Variants in ECE2 observed in about 807,000 individuals in gnomAD.
The protein encoded by ECE2 is endothelin-converting enzyme 2.
Under a neutral mutation model 100.6 loss-of-function variants are expected in ECE2, and 81 were observed. The observed-to-expected ratio is 0.81, with a 90% CI of 0.67 to 0.97. The LOEUF (loss-of-function observed/expected upper bound fraction) is 0.97. Among genes scored for constraint, ECE2 ranks in the 50% least tolerant of loss-of-function variants. ECE2 has a pLI of 0.00. For synonymous variants in ECE2, 391 were observed against 391.5 expected (o/e 1.00, Z 0.02); for missense variants, 911 against 988.1 (o/e 0.92, Z 1.05).
rs755511457 is a variant in ECE2, at chr3:184,292,254, GA to G, written c.*19del. 58 of 1,613,382 alleles carry G rather than the reference GA, an allele frequency of 3.6e-5. No homozygotes were observed. The South Asian group carries it at 6.0e-4, about 17-fold the overall frequency. Reference sequence around the variant, plus strand: ...GGTGTGGTAGACCTGGATCAGGGGAGAAATGGCCAGCTGTCACCAGACCTGG... The same window carrying G: ...GGTGTGGTAGACCTGGATCAGGGGAGAATGGCCAGCTGTCACCAGACCTGG... On this transcript the variant is annotated 3_prime_UTR_variant, in exon 19 of 19. Transcript: ENST00000404464.
chr3:184,276,223 G>A (rs1458682406), intron 1 of ECE2, 31 bp downstream of exon 1: 1 of 1,444,790 alleles, frequency 6.9e-7, no homozygotes, highest in East Asian at 2.5e-5. Context: ...CCACGGGAGG[G>A]GACTGGGTGG....
rs1177565019 is a variant in ECE2 at position 184,283,955 on chromosome 3, G to A, written c.987G>A (p.Met329Ile). The change falls in exon 8 of 19, where the codon ATG becomes ATA. Residue 329 changes from methionine to isoleucine, a missense_variant. Transcript: ENST00000404464. ...ACGAGGAGAAGATCTACCACAAGAT[G>A]AGCATTTCGGAGCTGCAGGTGGGGC... ...RRDEEKIYHK[M>I]SISELQALAP... The A allele has an allele frequency of 9.3e-6, 15 of 1,613,882 alleles. No individual in the cohort carries two copies. Among genetic ancestry groups the A allele is most frequent in the Non-Finnish European group, 1.3e-5 (15 of 1,179,992 alleles).
In ECE2 at chr3:184,291,864, C is replaced by G. The variant is rs1721340090; in HGVS notation, c.2122-198C>G. On this transcript the variant is annotated intron_variant, in intron 18 of 18. Coordinates refer to ENST00000404464, the MANE Select transcript of ECE2 (RefSeq NM_001100121.2). This position sits in a 1 kb window ranked among gnomAD's most constrained non-coding sequence, Gnocchi z 4.1. ...AGGCAGAGCCTCCGCTGGGCAGCCA[C>G]AGCAGGCAGCTTCTGGGGCTCCGCT... 2 of 614,738 alleles carry G rather than the reference C, an allele frequency of 3.3e-6. No individual in the cohort carries two copies. The highest frequency in any genetic ancestry group is 5.6e-6 in the Non-Finnish European group (2 of 358,826). 38.1% of individuals were successfully genotyped at this position (614,738 alleles called of 1,614,324 possible). A position where few individuals can be genotyped will look rare whatever the true frequency, so the allele number is the denominator to read the frequency against.
chr3:184,281,551 T>C (rs560134600), intron 7 of ECE2, among the ~76,000 whole-genome samples: 1 of 152,306 alleles, frequency 6.6e-6, no homozygotes, highest in South Asian at 2.1e-4. Flanking sequence ...GTGGGCCAAA[T>C]TTAGGATTCA....
Position 184,291,211 on chromosome 3 carries a change from G to A in ECE2, c.2006G>A (p.Gly669Glu). The A allele has an allele frequency of 1.9e-6, 3 of 1,612,404 alleles. No individual in the cohort carries two copies. The highest frequency in any genetic ancestry group is 1.7e-6 in the Non-Finnish European group (2 of 1,179,164). Residue 669 changes from glycine to glutamate, a missense_variant, in exon 17 of 19, where the codon GGG (glycine) becomes GAG (glutamate). Transcript: ENST00000404464. The surrounding 1 kb of genome is among the most constrained non-coding windows in gnomAD (Gnocchi z 4.1). Reference protein sequence around the residue: ...TLGENIADNGGLKAAYNAYKA... With the variant: ...TLGENIADNGELKAAYNAYKA... ...GGGGAGAACATTGCTGACAACGGGG[G>A]GCTGAAGGCTGCCTACAATGTGAGT... is the stretch of plus-strand genomic sequence containing the variant.
rs139982628 is a variant in ECE2, at chr3:184,291,919, A to G, written c.2122-143A>G. On this transcript the variant is annotated intron_variant, in intron 18 of 18. Transcript: ENST00000404464. This position sits in a 1 kb window ranked among gnomAD's most constrained non-coding sequence, Gnocchi z 4.1. Reference sequence around the variant, plus strand: ...CCCCTCGTCATGTCCATGCTGGGCAACCCGATGTCCAGGGCAGTTTTGGAA... The same window carrying G: ...CCCCTCGTCATGTCCATGCTGGGCAGCCCGATGTCCAGGGCAGTTTTGGAA... 37 of 911,598 alleles carry G rather than the reference A, an allele frequency of 4.1e-5. 1 individual carries two copies. The African/African-American group carries it at 5.2e-4, about 13-fold the overall frequency. 56.5% of individuals were successfully genotyped at this position (911,598 alleles called of 1,614,324 possible).
In ECE2 at chr3:184,285,383, G is replaced by A. The variant is rs142762017; in HGVS notation, c.1149-95G>A. ...GGGACAGCTTCCACATATGCCTCTC[G>A]GGACTCCTGCAACTTGCATGTTCCT... On this transcript the variant is annotated intron_variant, in intron 9 of 18. Coordinates refer to ENST00000404464, the MANE Select transcript of ECE2 (RefSeq NM_001100121.2). 3.4e-4 allele frequency: 357 copies of A among 1,040,582 alleles called. 2 individuals carry two copies. In the African/African-American group the frequency reaches 5.0e-3, roughly 15 times the overall value. 64.5% of individuals were successfully genotyped at this position (1,040,582 alleles called of 1,614,324 possible).
At position 184,289,504 on chromosome 3, in the gene ECE2, A is replaced by G; in HGVS notation, c.1442A>G (p.Asp481Gly). The change falls in exon 12 of 19, where the codon GAT (aspartate) becomes GGT (glycine). Residue 481 changes from aspartate to glycine, a missense_variant. Asp to Gly is a moderately conservative substitution (Grantham distance 94, BLOSUM62 -1). Transcript: ENST00000404464. This position sits in a 1 kb window ranked among gnomAD's most constrained non-coding sequence, Gnocchi z 4.1. ...GCCCTGGGACAGCTGGTTTGGATGG[A>G]TGAGAAGACCCGCCAGGCAGCCAAG... ...EEALGQLVWM[D>G]EKTRQAAKEK... is the part of the protein sequence containing the mutation. The G allele has an allele frequency of 6.2e-7, 1 of 1,612,780 alleles. No homozygotes were observed. Among genetic ancestry groups the G allele is most frequent in the Non-Finnish European group, 8.5e-7 (1 of 1,179,464 alleles).
chr3:184,287,810 G>C (rs1448079850), intron 10 of ECE2, 27 bp from the exon 11 acceptor site: 1 of 1,594,854 alleles, frequency 6.3e-7, no homozygotes, highest in Non-Finnish European at 8.6e-7. Flanking sequence ...GCCATCTCTA[G>C]GGTCCTGGCT....
intron 8 of ECE2, among the ~76,000 whole-genome samples, chr3:184,284,685 G>T (rs1720957707): frequency 6.6e-6 from 1 of 152,194 alleles, no homozygotes; most frequent in Non-Finnish European, 1.5e-5. Flanking sequence ...CGTGCAGGGT[G>T]TTGGGAGTGG....
At position 184,276,230 on chromosome 3, in the gene ECE2, G is replaced by T. The variant is rs756717418; in HGVS notation, c.39+38G>T. 32 of 1,446,612 alleles carry T rather than the reference G, an allele frequency of 2.2e-5. No homozygotes were observed. In the African/African-American group the frequency reaches 4.4e-4, roughly 20 times the overall value. The allele number at this position is 1,446,612 out of a possible 1,614,324, so 89.6% of individuals were successfully genotyped here. Reference sequence around the variant, plus strand: ...CCCGGGCTCCACGGGAGGGGACTGGGTGGAGGGGGACGAGGCAGAGGGGTC... The same window carrying T: ...CCCGGGCTCCACGGGAGGGGACTGGTTGGAGGGGGACGAGGCAGAGGGGTC... On this transcript the variant is annotated intron_variant, in intron 1 of 18. Transcript: ENST00000404464.
chr3:184,287,972 A>T lies in ECE2; in HGVS notation c.1374+25A>T, dbSNP rs73051634. On this transcript the variant is annotated intron_variant, in intron 11 of 18. Coordinates refer to ENST00000404464, the MANE Select transcript of ECE2 (RefSeq NM_001100121.2). Reference sequence around the variant, plus strand: ...TGTGAGTCTACAAGATTCTTTCAACACTATGCCCTCAAAATTGACTGTTCA... The same window carrying T: ...TGTGAGTCTACAAGATTCTTTCAACTCTATGCCCTCAAAATTGACTGTTCA... 1.6e-4 allele frequency: 257 copies of T among 1,601,038 alleles called. No homozygotes were observed. The African/African-American group carries it at 3.3e-3, about 20-fold the overall frequency.
chr3:184,277,133 G>A lies in ECE2; in HGVS notation c.262+106G>A, dbSNP rs1720590434. ...GGAACCAAGCCTTCCCTGCAGAAAA[G>A]CCCCCGGCTTTGCTTTCTCTTCCCA... is the stretch of plus-strand genomic sequence containing the variant. On this transcript the variant is annotated intron_variant, in intron 3 of 18. Coordinates refer to ENST00000404464, the MANE Select transcript of ECE2 (RefSeq NM_001100121.2). The A allele has an allele frequency of 6.9e-6, 11 of 1,599,256 alleles. 1 individual carries two copies. In the South Asian group the frequency reaches 1.0e-4, roughly 15 times the overall value.
At chr3:184,286,763 C>T (rs1721051319) in intron 10 of ECE2, among the ~76,000 whole-genome samples, 2 of 146,410 alleles carry the variant, frequency 1.4e-5, no homozygotes, top group African/African-American at 5.1e-5. Context: ...CGTCATTGCA[C>T]TCCAGCCTGG....
intron 10 of ECE2, 76 bp from the exon 11 acceptor site, chr3:184,287,761 C>A: frequency 7.6e-7 from 1 of 1,318,514 alleles, no homozygotes; most frequent in Non-Finnish European, 1.1e-6. Context: ...GGGCTGCTAG[C>A]CCCAGTGACA....
At chr3:184,288,767 A>G (rs549297606) in intron 11 of ECE2, among the ~76,000 whole-genome samples, 2 of 152,238 alleles carry the variant, frequency 1.3e-5, no homozygotes, top group African/African-American at 4.8e-5. Context: ...TGTTAAAAGA[A>G]CTTATCTATG....
At chr3:184,290,882 C>A (rs1413065185) in intron 16 of ECE2, 22 bp downstream of exon 16, 1 of 1,613,980 alleles carries the variant, frequency 6.2e-7, no homozygotes, top group Non-Finnish European at 8.5e-7. Flanking sequence ...TGGAGTCGTC[C>A]CCTCTAGCCT....
intron 9 of ECE2, 93 bp from the exon 10 acceptor site, chr3:184,285,385 G>A (rs1720995411): frequency 9.5e-7 from 1 of 1,053,122 alleles, no homozygotes; most frequent in Admixed American, 1.9e-5. Context: ...TGCCTCTCGG[G>A]ACTCCTGCAA....
chr3:184,281,314 T>G (rs1371826912), intron 7 of ECE2, among the ~76,000 whole-genome samples: 1 of 152,190 alleles, frequency 6.6e-6, no homozygotes, highest in Admixed American at 6.5e-5. Context: ...AGGAGAAGCA[T>G]AGGGTTCTGA....
Sources: allele counts gnomAD v4.1 joint callset (sites outside exome capture counted in the v4.1 genomes callset), GRCh38; gene constraint gnomAD v4.1.1; non-coding constraint Gnocchi (gnomAD v3.1); transcripts MANE v1.5; gene names NCBI Gene and HGNC (gene_info 2026-07-23, HGNC 2026-07-21).